The following TENM3 variants were observed in gnomAD, a reference collection of about 807,000 sequenced individuals.
TENM3 encodes teneurin-3.
Under a neutral mutation model 255.1 loss-of-function variants are expected in TENM3, and 63 were observed. That is an observed-to-expected ratio of 0.25 (90% CI 0.20 to 0.30). The LOEUF (loss-of-function observed/expected upper bound fraction) is 0.30. Among genes scored for constraint, TENM3 ranks in the 10% least tolerant of loss-of-function variants. TENM3 has a pLI of 1.00. For synonymous variants in TENM3, 1,306 were observed against 1,322.3 expected, an observed-to-expected ratio of 0.99 and a Z score of 0.27; for missense variants, 2,929 against 3,461.1, an observed-to-expected ratio of 0.85 and a Z score of 3.86.
the TENM3 span, among the ~76,000 whole-genome samples, chr4:181,698,416 T>G: frequency 6.6e-6 from 1 of 152,012 alleles, no homozygotes; most frequent in Non-Finnish European, 1.5e-5. Context: ...GCCAACAAAC[T>G]TTTCCATAGA....
intron 3 of TENM3, among the ~76,000 whole-genome samples, chr4:182,542,958 A>C (rs1580881415): frequency 6.6e-6 from 1 of 152,348 alleles, no homozygotes; most frequent in East Asian, 1.9e-4. Flanking sequence ...TGACTCAGCT[A>C]AGATCATACA....
At chr4:182,316,530 C>A (rs2675538) in intron 1 of TENM3, among the ~76,000 whole-genome samples, 46,366 of 151,832 alleles carry the variant, frequency 0.31, 7,441 homozygotes, top group African/African-American at 0.39. Context: ...TGGGGCTGCT[C>A]CTGGCATCTA....
intron 1 of TENM3, among the ~76,000 whole-genome samples, chr4:182,163,439 T>C (rs1751493464): frequency 6.6e-6 from 1 of 152,192 alleles, no homozygotes; most frequent in Non-Finnish European, 1.5e-5. Context: ...TTAGTTAGCA[T>C]TTCCAAGCAC....
intron 3 of TENM3, among the ~76,000 whole-genome samples, chr4:182,579,901 T>C (rs532454927): frequency 6.6e-6 from 1 of 152,320 alleles, no homozygotes; most frequent in Non-Finnish European, 1.5e-5. Context: ...TAGTGCTGGC[T>C]ACAGAGGGAG....
At chr4:181,557,531 C>CT in the TENM3 span, among the ~76,000 whole-genome samples, 7 of 151,874 alleles carry the variant, frequency 4.6e-5, no homozygotes, top group South Asian at 4.1e-4. Flanking sequence ...TATTTCTTTT[C>CT]TTTTTTTTCT....
At chr4:181,496,895 A>G in the TENM3 span, among the ~76,000 whole-genome samples, 1 of 152,202 alleles carries the variant, frequency 6.6e-6, no homozygotes, top group African/African-American at 2.4e-5. Flanking sequence ...CCTTGTGGGC[A>G]GTAACATTTT....
the TENM3 span, among the ~76,000 whole-genome samples, chr4:181,750,766 G>A: frequency 6.6e-6 from 1 of 152,110 alleles, no homozygotes; most frequent in Non-Finnish European, 1.5e-5. Context: ...CCCACATGTT[G>A]GGTAGTTCTT....
the TENM3 span, among the ~76,000 whole-genome samples, chr4:181,687,650 G>A: frequency 6.6e-6 from 1 of 152,134 alleles, no homozygotes; most frequent in Admixed American, 6.6e-5. Context: ...TATCCTGTTT[G>A]GAGCAGTGCT....
chr4:181,762,759 C>A, the TENM3 span, among the ~76,000 whole-genome samples: 1 of 152,138 alleles, frequency 6.6e-6, no homozygotes, highest in Admixed American at 6.5e-5. Flanking sequence ...CAACCTGAAC[C>A]AATCACTGTT....
At chr4:181,823,162 C>T in the TENM3 span, among the ~76,000 whole-genome samples, 34 of 152,292 alleles carry the variant, frequency 2.2e-4, 1 homozygote, top group South Asian at 6.6e-3. Context: ...TGAGTGAAAG[C>T]TGGTTATTGA....
intron 3 of TENM3, among the ~76,000 whole-genome samples, chr4:182,469,787 A>T (rs1732948728): frequency 6.6e-6 from 1 of 151,910 alleles, no homozygotes; most frequent in Non-Finnish European, 1.5e-5. Flanking sequence ...TTATACCAAT[A>T]GTTTGTTAAA....
intron 6 of TENM3, among the ~76,000 whole-genome samples, chr4:182,671,817 G>A (rs1280423416): frequency 1.3e-5 from 2 of 152,118 alleles, no homozygotes; most frequent in Non-Finnish European, 1.5e-5. Context: ...CACTTCCTCT[G>A]CGTTTTGAAT....
rs1762589491 is a variant in TENM3 at position 182,754,519 on chromosome 4, T to G, written c.4152T>G (p.Cys1384Trp). ...TTGCTGCTGGACGGCCCATGCACTG[T>G]CAGGTTCCCGGAGTGGAATATCCTG... ...VRIAAGRPMH[C>W]QVPGVEYPVG... Residue 1384 changes from cysteine (C) to tryptophan (W), a missense_variant, in exon 22 of 28, where the codon TGT becomes TGG. Physicochemically the swap from Cys to Trp is radical, Grantham distance 215 (BLOSUM62 -2). Around this residue, in one of 6 missense-constraint regions of TENM3, gnomAD observed 1,608 missense variants for 1,884.4 expected, o/e 0.85. Coordinates refer to ENST00000511685, the MANE Select transcript of TENM3 (RefSeq NM_001080477.4). This position sits in a 1 kb window ranked among gnomAD's most constrained non-coding sequence, Gnocchi z 5.1. 2 of 1,613,844 alleles carry G rather than the reference T, an allele frequency of 1.2e-6. No homozygotes were observed. Among genetic ancestry groups the G allele is most frequent in the Non-Finnish European group, 1.7e-6 (2 of 1,179,872 alleles).
At chr4:182,522,966 T>G (rs566816742) in intron 3 of TENM3, among the ~76,000 whole-genome samples, 7 of 152,282 alleles carry the variant, frequency 4.6e-5, no homozygotes, top group Admixed American at 4.6e-4. Flanking sequence ...ATTTTTTGTT[T>G]TTTTGTCTTT....
chr4:181,783,836 A>C, the TENM3 span, among the ~76,000 whole-genome samples: 1 of 151,780 alleles, frequency 6.6e-6, no homozygotes, highest in Non-Finnish European at 1.5e-5. Context: ...AGTCGCTAGG[A>C]TTATAAGTGC....
intron 3 of TENM3, among the ~76,000 whole-genome samples, chr4:182,554,278 G>A (rs1011928486): frequency 6.6e-6 from 1 of 152,100 alleles, no homozygotes; most frequent in African/African-American, 2.4e-5. Flanking sequence ...TTCTAATAGA[G>A]GAAAAATGCA....
chr4:182,601,306 T>C lies in TENM3; in HGVS notation c.749+145T>C, dbSNP rs1028877057. On this transcript the variant is annotated intron_variant, in intron 4 of 27. Transcript: ENST00000511685. ...TCTTCTCTAAGAAGCAGTTCCAGAT[T>C]GTTGTGATTTTTTTAGTTGCTGGGT... The C allele has an allele frequency of 7.7e-5, 53 of 688,998 alleles. 1 individual carries two copies. In the Admixed American group the frequency reaches 1.5e-3, roughly 20 times the overall value. 42.7% of individuals were successfully genotyped at this position (688,998 alleles called of 1,614,324 possible). A position where few individuals can be genotyped will look rare whatever the true frequency, so the allele number is the denominator to read the frequency against.
intron 3 of TENM3, among the ~76,000 whole-genome samples, chr4:182,423,394 T>C (rs1350580667): frequency 6.6e-6 from 1 of 152,030 alleles, no homozygotes; most frequent in African/African-American, 2.4e-5. Context: ...GAATATAGTA[T>C]AAAAGTTTTC....
At chr4:182,212,570 A>G (rs1263349334) in intron 1 of TENM3, among the ~76,000 whole-genome samples, 3 of 152,060 alleles carry the variant, frequency 2.0e-5, no homozygotes, top group Non-Finnish European at 2.9e-5. Flanking sequence ...TTGTTCACCC[A>G]CTTAGCCAGT....
Sources: allele counts gnomAD v4.1 joint callset (sites outside exome capture counted in the v4.1 genomes callset), GRCh38; gene constraint gnomAD v4.1.1; regional missense constraint gnomAD v4.1.1; non-coding constraint Gnocchi (gnomAD v3.1); transcripts MANE v1.5; gene names NCBI Gene and HGNC (gene_info 2026-07-23, HGNC 2026-07-21).